The following DACH2 variants were observed in gnomAD, a reference collection of about 807,000 sequenced individuals.
The protein encoded by DACH2 is dachshund family transcription factor 2.
In DACH2, 17 loss-of-function variants were observed where a neutral mutation model predicts 35.8. The observed-to-expected ratio is 0.48, with a 90% confidence interval of 0.33 to 0.71. The LOEUF (loss-of-function observed/expected upper bound fraction) is 0.71. Among genes scored for constraint, DACH2 ranks in the 30% least tolerant of loss-of-function variants. The pLI is 0.02. For synonymous variants in DACH2, 195 were observed against 177.3 expected (o/e 1.10, Z -0.79); for missense variants, 469 against 472.7 (o/e 0.99, Z 0.07).
chrX:86,544,536 C>A (rs1049206834), intron 3 of DACH2, among the ~76,000 whole-genome samples: 28 of 111,039 alleles, frequency 2.5e-4, no homozygotes, highest in African/African-American at 9.2e-4. Flanking sequence ...TTATTTCTGG[C>A]CAAACTAAGC....
At chrX:86,766,960 T>C (rs1196202208) in intron 7 of DACH2, among the ~76,000 whole-genome samples, 1 of 111,677 alleles carries the variant, frequency 9.0e-6, no homozygotes. Context: ...AGCTGTTCAA[T>C]ATGGTTTGAT....
intron 3 of DACH2, among the ~76,000 whole-genome samples, chrX:86,541,602 A>C (rs2038882192): frequency 8.9e-6 from 1 of 111,838 alleles, no homozygotes; most frequent in Admixed American, 9.6e-5. Context: ...ATCTGATTTT[A>C]GTGTAAGAAT....
At chrX:86,698,985 T>C (rs1199515466) in intron 5 of DACH2, among the ~76,000 whole-genome samples, 1 of 111,357 alleles carries the variant, frequency 9.0e-6, no homozygotes, top group African/African-American at 3.3e-5. Flanking sequence ...TATTAATATA[T>C]TGATAAAAGG....
chrX:86,380,200 A>G (rs910634227), intron 2 of DACH2, among the ~76,000 whole-genome samples: 1 of 110,604 alleles, frequency 9.0e-6, no homozygotes, highest in African/African-American at 3.3e-5. Context: ...TAACAACTCT[A>G]TAAGATAGGT....
At chrX:86,263,565 T>G (rs1238497192) in intron 1 of DACH2, among the ~76,000 whole-genome samples, 1 of 111,834 alleles carries the variant, frequency 8.9e-6, no homozygotes, top group Non-Finnish European at 1.9e-5. Context: ...GTTTTTCTTT[T>G]TAAAGAAAAA....
intron 3 of DACH2, among the ~76,000 whole-genome samples, chrX:86,564,434 C>T (rs761969954): frequency 9.4e-6 from 1 of 106,581 alleles, no homozygotes; most frequent in African/African-American, 3.6e-5. Flanking sequence ...ATTAATTCAA[C>T]AGTTTAATCT....
chrX:86,587,387 A>G (rs1356750354), intron 3 of DACH2, among the ~76,000 whole-genome samples: 3 of 111,413 alleles, frequency 2.7e-5, no homozygotes, highest in Non-Finnish European at 5.7e-5. Flanking sequence ...TTCTCTTGTT[A>G]TTTGGATAAC....
At chrX:86,687,542 G>C (rs779621597) in intron 4 of DACH2, among the ~76,000 whole-genome samples, 1 of 111,662 alleles carries the variant, frequency 9.0e-6, no homozygotes, top group African/African-American at 3.3e-5. Flanking sequence ...CCATTAGTGG[G>C]CATATACCCA....
At chrX:86,343,245 A>G (rs1045112909) in intron 1 of DACH2, among the ~76,000 whole-genome samples, 5 of 111,672 alleles carry the variant, frequency 4.5e-5, no homozygotes, top group African/African-American at 1.6e-4. Context: ...ATCCTTATTG[A>G]GTGGGAAAAG....
intron 3 of DACH2, among the ~76,000 whole-genome samples, chrX:86,642,914 C>A (rs1414536778): frequency 9.0e-6 from 1 of 111,121 alleles, no homozygotes; most frequent in Non-Finnish European, 1.9e-5. Context: ...ATAATGAGAA[C>A]AAAGATGCAA....
chrX:86,560,999 A>T (rs1166142561), intron 3 of DACH2, among the ~76,000 whole-genome samples: 1 of 6 alleles, frequency 0.17, no homozygotes, highest in Admixed American at 0.5. Flanking sequence ...CAACCTACTC[A>T]TCTGACAAAG....
chrX:86,528,977 G>T (rs969002769), intron 3 of DACH2, among the ~76,000 whole-genome samples: 4 of 111,914 alleles, frequency 3.6e-5, no homozygotes, highest in Non-Finnish European at 7.5e-5. Flanking sequence ...TTTGAAAAAT[G>T]CAATACATTG....
At chrX:86,278,076 C>CA (rs750160673) in intron 1 of DACH2, among the ~76,000 whole-genome samples, 2 of 110,915 alleles carry the variant, frequency 1.8e-5, no homozygotes, top group Non-Finnish European at 3.8e-5. Flanking sequence ...AACTTGCACC[C>CA]AAAAAAGGTC....
chrX:86,748,228 C>T (rs2041733579), intron 7 of DACH2, among the ~76,000 whole-genome samples: 1 of 112,110 alleles, frequency 8.9e-6, no homozygotes, highest in African/African-American at 3.2e-5. Flanking sequence ...TTAATGTTGG[C>T]ATTTTGACCT....
intron 7 of DACH2, among the ~76,000 whole-genome samples, chrX:86,754,887 A>G (rs2041811549): frequency 1.8e-5 from 2 of 111,972 alleles, no homozygotes; most frequent in Non-Finnish European, 3.8e-5. Context: ...TGCAAAAAAC[A>G]TGTGAGTTGT....
chrX:86,178,950 G>C (rs1227844328), intron 1 of DACH2, among the ~76,000 whole-genome samples: 1 of 111,776 alleles, frequency 8.9e-6, no homozygotes, highest in Non-Finnish European at 1.9e-5. Flanking sequence ...AAATTAACTG[G>C]TTGACTGAAT....
intron 7 of DACH2, among the ~76,000 whole-genome samples, chrX:86,797,811 G>C (rs1419673179): frequency 9.0e-6 from 1 of 111,570 alleles, no homozygotes; most frequent in Non-Finnish European, 1.9e-5. Context: ...TTGACCCAAA[G>C]GATAAATACA....
chrX:86,813,735 G>A (rs1437171191), intron 9 of DACH2, among the ~76,000 whole-genome samples: 1 of 110,072 alleles, frequency 9.1e-6, no homozygotes, highest in African/African-American at 3.3e-5. Flanking sequence ...ATGGTCCTTC[G>A]GCTTTGAAAC....
chrX:86,311,713 A>G (rs1373854030), intron 1 of DACH2, among the ~76,000 whole-genome samples: 1 of 111,124 alleles, frequency 9.0e-6, no homozygotes, highest in African/African-American at 3.3e-5. Flanking sequence ...ACACAACAAC[A>G]ATTCCATTGA....
Sources: allele counts gnomAD v4.1 joint callset (sites outside exome capture counted in the v4.1 genomes callset), GRCh38; gene constraint gnomAD v4.1.1; transcripts MANE v1.5; gene names NCBI Gene and HGNC (gene_info 2026-07-23, HGNC 2026-07-21).